Variants in NOL9 observed in about 807,000 individuals in gnomAD.
NOL9 encodes the protein nucleolar protein 9.
NOL9 carries 28 observed loss-of-function variants against 67.9 expected under a neutral mutation model. The ratio of observed to expected loss-of-function variants is 0.41; its 90% CI spans 0.31 to 0.57. The LOEUF is 0.57. Among genes scored for constraint, NOL9 ranks in the 20% least tolerant of loss-of-function variants. NOL9 has a pLI of 0.25. For missense variants in NOL9, 777 were observed against 897.0 expected, an observed-to-expected ratio of 0.87 and a Z score of 1.71; for synonymous variants, 356 against 352.2, an observed-to-expected ratio of 1.01 and a Z score of -0.12.
chr1:6,543,085 G>C (rs1487401074), intron 5 of NOL9, among the ~76,000 whole-genome samples: 1 of 151,616 alleles, frequency 6.6e-6, no homozygotes, highest in Non-Finnish European at 1.5e-5. Context: ...GTAGAGACAG[G>C]GTCTCATTAC....
chr1:6,548,590 GA>G, intron 3 of NOL9: 3 of 385,648 alleles, frequency 7.8e-6, no homozygotes, highest in Non-Finnish European at 1.5e-5. Context: ...TAAAAGTGCT[GA>G]AGGCACAAGC....
rs1015215408 is a variant in NOL9, at chr1:6,525,599, A to C, written c.*255T>G. 8 of 456,794 alleles carry C rather than the reference A, an allele frequency of 1.8e-5. No homozygotes were observed. The highest frequency in any genetic ancestry group is 7.1e-5 in the Admixed American group (2 of 28,084). The allele number at this position is 456,794 out of a possible 1,614,324, so 28.3% of individuals were successfully genotyped here. A position where few individuals can be genotyped will look rare whatever the true frequency, so the allele number is the denominator to read the frequency against. On this transcript the variant is annotated 3_prime_UTR_variant, in exon 12 of 12. Coordinates refer to ENST00000377705, the MANE Select transcript of NOL9 (RefSeq NM_024654.5). The stretch of plus-strand genomic sequence containing the variant: ...GGAATCTCTGTTTTAATGGCACACA[A>C]ACTGTTCTCTGCTGTTTTACTCCCT...
At chr1:6,533,462 A>C (rs760753823) in intron 6 of NOL9, 21 bp from the exon 7 acceptor site, 2 of 1,556,488 alleles carry the variant, frequency 1.3e-6, no homozygotes, top group East Asian at 4.6e-5. Context: ...AAAGATGAGT[A>C]ATCAGATGAG....
At chr1:6,545,227 T>C (rs982473053) in intron 3 of NOL9, 47 bp from the exon 4 acceptor site, 8 of 1,566,184 alleles carry the variant, frequency 5.1e-6, no homozygotes, top group East Asian at 2.2e-5. Flanking sequence ...GCATATTTTT[T>C]TCTTCAGTAC....
chr1:6,532,317 A>G (rs58415361), intron 8 of NOL9, 146 bp downstream of exon 8: 104,142 of 822,590 alleles, frequency 0.13, 7,440 homozygotes, highest in African/African-American at 0.25. Context: ...AACAGTTCAG[A>G]AAACAACTGG....
At chr1:6,532,204 G>A (rs941585504) in intron 8 of NOL9, 125 bp from the exon 9 acceptor site, 47 of 798,316 alleles carry the variant, frequency 5.9e-5, no homozygotes, top group South Asian at 3.4e-4. Flanking sequence ...CCCCCTTGAC[G>A]GACCCCAACT....
Position 6,554,489 on chromosome 1 carries a change from C to G in NOL9, c.14G>C (p.Gly5Ala). The change falls in exon 1 of 12, where the codon GGA becomes GCA. Residue 5 changes from glycine to alanine, a missense_variant. By Grantham distance (60) the Gly-to-Ala change is moderately conservative (BLOSUM62 0). Transcript: ENST00000377705. MADS[G>A]LLLKRGSCRS... The stretch of plus-strand genomic sequence containing the variant: ...GCAGGAACCCCGCTTTAGCAGCAGT[C>G]CCGAGTCCGCCATGCTGGGTCCTCA... 1 of 1,540,988 alleles carries G rather than the reference C, an allele frequency of 6.5e-7. No individual in the cohort carries two copies. The highest frequency in any genetic ancestry group is 8.6e-7 in the Non-Finnish European group (1 of 1,157,208).
At position 6,526,112 on chromosome 1, in the gene NOL9, G is replaced by A; in HGVS notation, c.1960-109C>T. On this transcript the variant is annotated intron_variant, in intron 11 of 11. Transcript: ENST00000377705. Reference sequence around the variant, plus strand: ...CAGTGTCATGGTGATGGTCTGGGTGGGGACTTCTCACTTTTAAGGCATTTG... The same window carrying A: ...CAGTGTCATGGTGATGGTCTGGGTGAGGACTTCTCACTTTTAAGGCATTTG... 2 of 970,270 alleles carry A rather than the reference G, an allele frequency of 2.1e-6. 1 individual carries two copies. The highest frequency in any genetic ancestry group is 3.2e-6 in the Non-Finnish European group (2 of 621,924). 60.1% of individuals were successfully genotyped at this position (970,270 alleles called of 1,614,324 possible).
At chr1:6,553,027 G>T (rs972913249) in intron 1 of NOL9, among the ~76,000 whole-genome samples, 1 of 152,148 alleles carries the variant, frequency 6.6e-6, no homozygotes, top group Non-Finnish European at 1.5e-5. Context: ...GGTCAGGCTG[G>T]TCTCAAACTC....
At chr1:6,548,018 C>T in intron 3 of NOL9, 1 of 288,128 alleles carries the variant, frequency 3.5e-6, no homozygotes. Flanking sequence ...ACTAGGCTGT[C>T]CCGAACCCCT....
In NOL9 at chr1:6,528,980, A is replaced by C. The variant is rs1638955466; in HGVS notation, c.1825+14T>G. ...TTCAGTAGGTTTATGGATATGTTTT[A>C]CTCTCAGACTCACCAAAGCCCAAGC... On this transcript the variant is annotated intron_variant, in intron 10 of 11. Coordinates refer to ENST00000377705, the MANE Select transcript of NOL9 (RefSeq NM_024654.5). The C allele has an allele frequency of 6.2e-7, 1 of 1,612,794 alleles. No individual in the cohort carries two copies.
chr1:6,554,283 C>T lies in NOL9; in HGVS notation c.220G>A (p.Ala74Thr). ...EGARQVSRAA[A>T]ARRPNTATPS... ...GTCGCGGTGTTGGGTCTCCGGGCCG[C>T]CGCCGCGCGCGACACCTGGCGGGCT... The change falls in exon 1 of 12, where the codon GCG (alanine) becomes ACG (threonine). Residue 74 changes from alanine (A) to threonine (T), a missense_variant. Around this residue, in one of 2 missense-constraint regions of NOL9, gnomAD observed 364 missense variants for 344.4 expected, o/e 1.06. Transcript: ENST00000377705. 1 of 1,473,288 alleles carries T rather than the reference C, an allele frequency of 6.8e-7. No homozygotes were observed. Among genetic ancestry groups the T allele is most frequent in the Non-Finnish European group, 9.0e-7 (1 of 1,114,910 alleles). The allele number at this position is 1,473,288 out of a possible 1,614,324, so 91.3% of individuals were successfully genotyped here.
Position 6,525,457 on chromosome 1 carries a change from T to C in NOL9, c.*397A>G, listed in dbSNP as rs182200443. The stretch of plus-strand genomic sequence containing the variant: ...GGCCCGTGGCGAGCCCTTGTATCCA[T>C]TATGCTTGAGATCCTGCAGGTCGGC... On this transcript the variant is annotated 3_prime_UTR_variant, in exon 12 of 12. Transcript: ENST00000377705. The C allele has an allele frequency of 3.5e-4, 77 of 217,732 alleles. No individual in the cohort carries two copies. The East Asian group carries it at 8.5e-3, about 24-fold the overall frequency. The allele number at this position is 217,732 out of a possible 1,614,324, so 13.5% of individuals were successfully genotyped here.
intron 7 of NOL9, among the ~76,000 whole-genome samples, chr1:6,533,020 C>CTTT (rs1160057630): frequency 1.3e-5 from 2 of 152,154 alleles, no homozygotes; most frequent in Admixed American, 1.3e-4. Flanking sequence ...ACTAAAACTA[C>CTTT]AAAAATTAGC....
At chr1:6,547,527 A>G (rs1359456066) in intron 3 of NOL9, among the ~76,000 whole-genome samples, 3 of 152,222 alleles carry the variant, frequency 2.0e-5, no homozygotes, top group Non-Finnish European at 2.9e-5. Flanking sequence ...GGAAAAAAAA[A>G]AAAAAGAACT....
Position 6,549,655 on chromosome 1 carries a change from G to A in NOL9, c.660C>T (p.Ser220=), listed in dbSNP as rs765355876. ...WSMQNFSPQC[S]IVLLEHLKTA... is the part of the protein sequence containing the mutation. ...TTTTCAGATGTTCTAGCAACACAAT[G>A]GAACACTGAGGAGAAAAATTCTGCA... Residue 220 remains serine (S), a synonymous_variant, in exon 3 of 12, where the codon TCC becomes TCT. Transcript: ENST00000377705. The A allele has an allele frequency of 1.9e-6, 3 of 1,614,000 alleles. No individual in the cohort carries two copies. The African/African-American group carries it at 4.0e-5, about 22-fold the overall frequency.
rs77036063 is a variant in NOL9 at position 6,536,986 on chromosome 1, G to A, written c.1076-3545C>T. 1.5e-3 allele frequency among the ~76,000 whole-genome samples: 232 copies of A among 152,118 alleles called. 8 individuals are homozygous for A. In the East Asian group the frequency reaches 0.037, roughly 24 times the overall value. ...TGTGCTAATTAATGCACTCCAGCCT[G>A]GGTGACAGAGTGAGACACTGTCTCT... On this transcript the variant is annotated intron_variant, in intron 6 of 11. Coordinates refer to ENST00000377705, the MANE Select transcript of NOL9 (RefSeq NM_024654.5).
chr1:6,528,841 G>A (rs1411663622), intron 10 of NOL9, among the ~76,000 whole-genome samples, 153 bp downstream of exon 10: 1 of 152,190 alleles, frequency 6.6e-6, no homozygotes, highest in African/African-American at 2.4e-5. Flanking sequence ...TTCCTTCCTG[G>A]CCTCCAGCCC....
intron 5 of NOL9, among the ~76,000 whole-genome samples, chr1:6,544,527 A>G (rs1201620000): frequency 3.4e-5 from 1 of 29,812 alleles, no homozygotes; most frequent in African/African-American, 6.4e-5. Flanking sequence ...ACACACACAC[A>G]CGCACGCACA....
Sources: gnomAD v4.1 joint callset for allele counts (sites outside exome capture counted in the v4.1 genomes callset) on GRCh38, gnomAD v4.1.1 for gene constraint, gnomAD v4.1.1 regional missense constraint, MANE v1.5 for transcripts, NCBI Gene and HGNC (gene_info 2026-07-23, HGNC 2026-07-21) for gene names.